Variants in OPCML observed in about 807,000 individuals in gnomAD.
The protein encoded by OPCML is opioid-binding protein/cell adhesion molecule.
In OPCML, 13 loss-of-function variants were observed where a neutral mutation model predicts 37.8. The observed-to-expected ratio is 0.34, with a 90% CI of 0.22 to 0.55. The LOEUF is 0.55. Among genes scored for constraint, OPCML ranks in the 20% least tolerant of loss-of-function variants. The pLI is 0.91. For missense variants in OPCML, 341 were observed against 435.6 expected (o/e 0.78, Z 1.93); for synonymous variants, 176 against 168.8 (o/e 1.04, Z -0.33).
chr11:133,113,943 C>A (rs977904590), intron 1 of OPCML, among the ~76,000 whole-genome samples: 3 of 152,180 alleles, frequency 2.0e-5, no homozygotes, highest in African/African-American at 4.8e-5. Flanking sequence ...TTTAGACCAC[C>A]TTGTTGATAT....
chr11:132,573,891 T>C (rs557819037), intron 3 of OPCML, among the ~76,000 whole-genome samples: 70 of 152,160 alleles, frequency 4.6e-4, no homozygotes, highest in African/African-American at 1.6e-3. Context: ...TTATGATTAC[T>C]GGTTCAATCT....
intron 2 of OPCML, among the ~76,000 whole-genome samples, chr11:132,770,154 A>C (rs955145342): frequency 6.6e-6 from 1 of 152,196 alleles, no homozygotes; most frequent in African/African-American, 2.4e-5. Flanking sequence ...TTCAGAAGTC[A>C]ACAAATAACT....
intron 1 of OPCML, among the ~76,000 whole-genome samples, chr11:133,064,138 C>A (rs1023549962): frequency 3.9e-5 from 6 of 152,154 alleles, no homozygotes; most frequent in African/African-American, 1.4e-4. Context: ...TGGCGCTGAT[C>A]CAGAGGAGGC....
chr11:132,845,914 C>T (rs973118167), intron 2 of OPCML, among the ~76,000 whole-genome samples: 4 of 152,164 alleles, frequency 2.6e-5, no homozygotes, highest in African/African-American at 9.7e-5. Context: ...GGCTGGGATA[C>T]AACGAGGGTG....
chr11:133,488,623 T>A (rs1947584414), intron 1 of OPCML, among the ~76,000 whole-genome samples: 2 of 152,142 alleles, frequency 1.3e-5, no homozygotes, highest in Non-Finnish European at 2.9e-5. Flanking sequence ...ATTCCATGCT[T>A]ATAGATTGGA....
At chr11:132,802,429 A>C (rs1938715150) in intron 2 of OPCML, among the ~76,000 whole-genome samples, 2 of 152,172 alleles carry the variant, frequency 1.3e-5, no homozygotes, top group South Asian at 4.1e-4. Flanking sequence ...AGCCTGGTCT[A>C]TGCTCACTAG....
At position 132,981,732 on chromosome 11, in the gene OPCML, C is replaced by T. The variant is rs575577865; in HGVS notation, c.62-38722G>A. On this transcript the variant is annotated intron_variant, in intron 1 of 7. Transcript: ENST00000524381. ...AGCTTATTTTAGAAAAAGGGTTAAA[C>T]GTAAAAATCAATGACATCACCAAAT... Among the ~76,000 whole-genome samples the T allele has an allele frequency of 4.6e-5, 7 of 152,220 alleles. No homozygotes were observed. In the East Asian group the frequency reaches 5.8e-4, roughly 13 times the overall value.
intron 2 of OPCML, among the ~76,000 whole-genome samples, chr11:132,930,355 C>T (rs1056081276): frequency 2.0e-5 from 3 of 151,762 alleles, no homozygotes; most frequent in African/African-American, 7.3e-5. Flanking sequence ...CAGGGTGAGA[C>T]AGTGTGGCAC....
At chr11:132,549,289 T>C (rs2096376086) in intron 3 of OPCML, among the ~76,000 whole-genome samples, 1 of 152,208 alleles carries the variant, frequency 6.6e-6, no homozygotes, top group Non-Finnish European at 1.5e-5. Flanking sequence ...GCTATGGCAA[T>C]GTCAGGAAGT....
At chr11:132,584,301 A>T (rs1398250521) in intron 3 of OPCML, among the ~76,000 whole-genome samples, 3 of 152,086 alleles carry the variant, frequency 2.0e-5, no homozygotes, top group Non-Finnish European at 2.9e-5. Flanking sequence ...AATTTAAAGC[A>T]TTTTTTTATT....
chr11:132,755,949 AG>A (rs1946028338), intron 2 of OPCML, among the ~76,000 whole-genome samples: 1 of 152,186 alleles, frequency 6.6e-6, no homozygotes, highest in African/African-American at 2.4e-5. Flanking sequence ...ATCTTGCAAA[AG>A]GAAGTCTGTC....
rs1162305568 is a variant in OPCML at position 132,694,179 on chromosome 11, CTTTTTTTTTTTTTTTTTTT to C, written c.147-36879_147-36861del. ...GAGTTTCGTTCTGTGAAATCAATGT[CTTTTTTTTTTTTTTTTTTT>C]TTTTTTTTTTTTTTTTTTTAAGACG... is the stretch of plus-strand genomic sequence containing the variant. On this transcript the variant is annotated intron_variant, in intron 2 of 7. Transcript: ENST00000524381. Among the ~76,000 whole-genome samples the C allele has an allele frequency of 2.3e-3, 100 of 43,016 alleles. 1 individual carries two copies. Among genetic ancestry groups the C allele is most frequent in the African/African-American group, 7.3e-3 (80 of 11,032 alleles). The allele number at this position is 43,016 out of a possible 152,430, so 28.2% of individuals were successfully genotyped here.
intron 2 of OPCML, among the ~76,000 whole-genome samples, chr11:132,866,303 C>T (rs1942549062): frequency 6.6e-6 from 1 of 152,186 alleles, no homozygotes; most frequent in African/African-American, 2.4e-5. Context: ...AGGGATTCTG[C>T]CACACCAAGG....
intron 2 of OPCML, among the ~76,000 whole-genome samples, chr11:132,751,119 T>G (rs1945817422): frequency 6.6e-6 from 1 of 152,224 alleles, no homozygotes; most frequent in Non-Finnish European, 1.5e-5. Flanking sequence ...TGATCATGGC[T>G]AAGTCTCTCA....
chr11:132,488,937 T>A (rs2096207923), intron 4 of OPCML, among the ~76,000 whole-genome samples: 1 of 152,154 alleles, frequency 6.6e-6, no homozygotes, highest in Admixed American at 6.5e-5. Context: ...ACGAGAACCC[T>A]GTTGGAATTT....
chr11:133,115,624 T>G (rs1280363361), intron 1 of OPCML, among the ~76,000 whole-genome samples: 1 of 151,864 alleles, frequency 6.6e-6, no homozygotes, highest in Non-Finnish European at 1.5e-5. Flanking sequence ...TAAAAATCAG[T>G]GATGAAAACA....
At chr11:132,674,416 A>G (rs1014995831) in intron 2 of OPCML, among the ~76,000 whole-genome samples, 3 of 152,160 alleles carry the variant, frequency 2.0e-5, no homozygotes, top group African/African-American at 7.2e-5. Context: ...TGAAGGCTGA[A>G]CTTTTTGGCA....
intron 2 of OPCML, among the ~76,000 whole-genome samples, chr11:132,701,762 TTG>T (rs34453558): frequency 0.45 from 63,403 of 142,434 alleles, 14,104 homozygotes; most frequent in Non-Finnish European, 0.49. Context: ...AATTTGATGA[TTG>T]TGTGTGTGTG....
intron 1 of OPCML, among the ~76,000 whole-genome samples, chr11:133,279,687 T>G (rs1942090135): frequency 6.6e-6 from 1 of 152,080 alleles, no homozygotes; most frequent in South Asian, 2.1e-4. Context: ...ATCCACCTCT[T>G]CAGAGAATCT....
Sources: allele counts gnomAD v4.1 joint callset (sites outside exome capture counted in the v4.1 genomes callset), GRCh38; gene constraint gnomAD v4.1.1; transcripts MANE v1.5; gene names NCBI Gene and HGNC (gene_info 2026-07-23, HGNC 2026-07-21).